The following TMEM192 variants were observed in gnomAD, a reference collection of about 807,000 sequenced individuals.
The protein encoded by TMEM192 is transmembrane protein 192.
TMEM192 carries 20 observed loss-of-function variants against 26.7 expected under a neutral mutation model. The ratio of observed to expected loss-of-function variants is 0.75; its 90% CI spans 0.53 to 1.09. The LOEUF (loss-of-function observed/expected upper bound fraction) is 1.09, where lower values mean the gene tolerates loss of function less well. TMEM192 is among the 50% of genes least tolerant of loss of function. The pLI is 0.00. For synonymous variants in TMEM192, 124 were observed against 121.0 expected, an observed-to-expected ratio of 1.02 and a Z score of -0.16; for missense variants, 304 against 322.6, an observed-to-expected ratio of 0.94 and a Z score of 0.44.
intron 3 of TMEM192, among the ~76,000 whole-genome samples, chr4:165,089,938 G>A (rs1282290055): frequency 6.6e-6 from 1 of 151,970 alleles, no homozygotes; most frequent in Admixed American, 6.6e-5. Flanking sequence ...TAGGCCAGGC[G>A]CGGTGGCTCA....
In TMEM192 at chr4:165,079,091, T is replaced by TCACCC. The variant is rs1370104128; in HGVS notation, c.*566_*567insGGGTG. 3.9e-5 allele frequency: 6 copies of TCACCC among 152,228 alleles called. No individual in the cohort carries two copies. The highest frequency in any genetic ancestry group is 7.3e-5 in the Non-Finnish European group (5 of 68,050). The allele number at this position is 152,228 out of a possible 1,614,324, so 9.4% of individuals were successfully genotyped here. A position where few individuals can be genotyped will look rare whatever the true frequency, so the allele number is the denominator to read the frequency against. On this transcript the variant is annotated 3_prime_UTR_variant, in exon 6 of 6. Coordinates refer to ENST00000306480, the MANE Select transcript of TMEM192 (RefSeq NM_001100389.2). ...AAACTGTAGGAATTTGCATAGTAGATCACCTGGTGAGACCTCAGTCCTATG... is the reference window on the plus strand; with the variant it reads ...AAACTGTAGGAATTTGCATAGTAGATCACCCCACCTGGTGAGACCTCAGTCCTATG...
At chr4:165,097,493 C>T (rs917967162) in intron 3 of TMEM192, among the ~76,000 whole-genome samples, 1 of 59,000 alleles carries the variant, frequency 1.7e-5, no homozygotes, top group East Asian at 5.3e-4. Context: ...GACTCCATCT[C>T]AAAAAAAAAA....
Position 165,112,739 on chromosome 4 carries a change from G to T in TMEM192, c.27+8C>A. The T allele has an allele frequency of 6.2e-7, 1 of 1,609,238 alleles. No individual in the cohort carries two copies. On this transcript the variant is annotated splice_region_variant and intron_variant, in intron 1 of 5. Coordinates refer to ENST00000306480, the MANE Select transcript of TMEM192 (RefSeq NM_001100389.2). ...GGGGCCAACCGCCCGCCGCCTCCGTGCACTCACGTCCTCCATCCTGCCCCC... is the reference window on the plus strand; with the variant it reads ...GGGGCCAACCGCCCGCCGCCTCCGTTCACTCACGTCCTCCATCCTGCCCCC...
intron 1 of TMEM192, 141 bp downstream of exon 1, chr4:165,112,606 C>G (rs1735321097): frequency 7.9e-7 from 1 of 1,272,652 alleles, no homozygotes; most frequent in African/African-American, 1.5e-5. Context: ...GCCCAGGCCT[C>G]CCCGGGCACA....
At position 165,108,887 on chromosome 4, in the gene TMEM192, C is replaced by T. The variant is rs1010734510; in HGVS notation, c.27+3860G>A. Among the ~76,000 whole-genome samples the T allele has an allele frequency of 3.3e-5, 5 of 152,000 alleles. No homozygotes were observed. The Middle Eastern group carries it at 0.014, about 414-fold the overall frequency. On this transcript the variant is annotated intron_variant, in intron 1 of 5. Coordinates refer to ENST00000306480, the MANE Select transcript of TMEM192 (RefSeq NM_001100389.2). The stretch of plus-strand genomic sequence containing the variant: ...CTCCTCAACTCAGAAGTCTGCTGGG[C>T]TCTGCCTGGCTTCCCCCTTCCCTGT...
chr4:165,109,572 C>G (rs1735246956), intron 1 of TMEM192, among the ~76,000 whole-genome samples: 1 of 152,152 alleles, frequency 6.6e-6, no homozygotes, highest in Non-Finnish European at 1.5e-5. Flanking sequence ...GCCATGTTGG[C>G]CAGGCTGGTC....
chr4:165,110,564 G>A (rs1298074079), intron 1 of TMEM192, among the ~76,000 whole-genome samples: 1 of 152,192 alleles, frequency 6.6e-6, no homozygotes, highest in Non-Finnish European at 1.5e-5. Context: ...AATTAGCCAG[G>A]TGTGGTGGTG....
rs1734279468 is a variant in TMEM192, at chr4:165,071,886, T to A, written c.*7772A>T. The A allele has an allele frequency of 6.6e-6, 1 of 152,524 alleles. No homozygotes were observed. The highest frequency in any genetic ancestry group is 1.5e-5 in the Non-Finnish European group (1 of 68,376). 9.4% of individuals were successfully genotyped at this position (152,524 alleles called of 1,614,324 possible). A position where few individuals can be genotyped will look rare whatever the true frequency, so the allele number is the denominator to read the frequency against. On this transcript the variant is annotated 3_prime_UTR_variant, in exon 6 of 6. Coordinates refer to ENST00000306480, the MANE Select transcript of TMEM192 (RefSeq NM_001100389.2). ...GAAGGATATTGTTGGCTGCTTTTTG[T>A]GTGTGTGCATGGGGCTGGGGGGTCA... is the stretch of plus-strand genomic sequence containing the variant.
At chr4:165,090,504 C>T (rs955792270) in intron 3 of TMEM192, among the ~76,000 whole-genome samples, 1 of 152,122 alleles carries the variant, frequency 6.6e-6, no homozygotes, top group African/African-American at 2.4e-5. Flanking sequence ...GGACCTCACG[C>T]AATGTACCTC....
chr4:165,087,971 G>A (rs1286705114), intron 4 of TMEM192, among the ~76,000 whole-genome samples: 1 of 152,204 alleles, frequency 6.6e-6, no homozygotes, highest in African/African-American at 2.4e-5. Flanking sequence ...GTGCAGGCAT[G>A]TGATCTTGGC....
At chr4:165,103,608 G>A (rs998504204) in intron 1 of TMEM192, among the ~76,000 whole-genome samples, 8 of 116,038 alleles carry the variant, frequency 6.9e-5, no homozygotes, top group Middle Eastern at 4.5e-3. Context: ...TCCACCTCCC[G>A]GGTTCCAGCA....
In TMEM192 at chr4:165,074,183, A is replaced by G. The variant is rs1434139016; in HGVS notation, c.*5475T>C. 6.6e-6 allele frequency: 1 copy of G among 152,082 alleles called. No homozygotes were observed. Among genetic ancestry groups the G allele is most frequent in the Non-Finnish European group, 1.5e-5 (1 of 68,026 alleles). 9.4% of individuals were successfully genotyped at this position (152,082 alleles called of 1,614,324 possible). A position where few individuals can be genotyped will look rare whatever the true frequency, so the allele number is the denominator to read the frequency against. On this transcript the variant is annotated 3_prime_UTR_variant, in exon 6 of 6. Transcript: ENST00000306480. Reference sequence around the variant, plus strand: ...GAGGAGACGTATGCATTCATCTCCAATTTAAGCAATGTGGAAGGAAGCTAT... The same window carrying G: ...GAGGAGACGTATGCATTCATCTCCAGTTTAAGCAATGTGGAAGGAAGCTAT...
chr4:165,080,496 A>T (rs1734495620), intron 5 of TMEM192, among the ~76,000 whole-genome samples: 1 of 152,160 alleles, frequency 6.6e-6, no homozygotes, highest in Non-Finnish European at 1.5e-5. Flanking sequence ...TTGACTAAAA[A>T]TTGCCTATTC....
chr4:165,092,274 A>G (rs2110763164), intron 3 of TMEM192, among the ~76,000 whole-genome samples: 1 of 152,156 alleles, frequency 6.6e-6, no homozygotes, highest in South Asian at 2.1e-4. Flanking sequence ...GGCATGTGCC[A>G]TCATGTCCAG....
intron 5 of TMEM192, among the ~76,000 whole-genome samples, chr4:165,085,070 T>C (rs921935206): frequency 6.7e-6 from 1 of 149,650 alleles, no homozygotes; most frequent in Admixed American, 6.7e-5. Context: ...AGGTCAGGAG[T>C]TCAAGACCAG....
chr4:165,112,697 A>G (rs779761750), intron 1 of TMEM192, 50 bp downstream of exon 1: 8 of 1,606,496 alleles, frequency 5.0e-6, no homozygotes, highest in Non-Finnish European at 6.8e-6. Context: ...GCCCCGGCAC[A>G]AGAAAAAGCG....
chr4:165,089,558 C>T (rs184591844), intron 3 of TMEM192, among the ~76,000 whole-genome samples: 37 of 152,176 alleles, frequency 2.4e-4, no homozygotes, highest in East Asian at 7.8e-4. Flanking sequence ...CTCCTGACCT[C>T]GTGATCGGCC....
chr4:165,085,656 C>T lies in TMEM192; in HGVS notation c.607G>A (p.Glu203Lys). Residue 203 changes from glutamate (E) to lysine (K), a missense_variant, in exon 5 of 6, where the codon GAG becomes AAG. Glu to Lys is a moderately conservative substitution (Grantham distance 56). Coordinates refer to ENST00000306480, the MANE Select transcript of TMEM192 (RefSeq NM_001100389.2). The part of the protein sequence containing the change: ...KIRRFNKAKP[E>K]PDILEEEKIY... Reference sequence around the variant, plus strand: ...TTTTCTTCTTCAAGTATATCAGGCTCTGGTTTAGCTTTATTAAATCTCCGG... The same window carrying T: ...TTTTCTTCTTCAAGTATATCAGGCTTTGGTTTAGCTTTATTAAATCTCCGG... 1 of 1,610,706 alleles carries T rather than the reference C, an allele frequency of 6.2e-7. No individual in the cohort carries two copies. Among genetic ancestry groups the T allele is most frequent in the Non-Finnish European group, 8.5e-7 (1 of 1,178,848 alleles).
At chr4:165,111,515 T>C (rs1387956758) in intron 1 of TMEM192, 1 of 149,910 alleles carries the variant, frequency 6.7e-6, no homozygotes, top group Non-Finnish European at 1.5e-5. Flanking sequence ...CTGCATGTGT[T>C]TTTCTAAGAC....
Sources: allele counts gnomAD v4.1 joint callset (sites outside exome capture counted in the v4.1 genomes callset), GRCh38; gene constraint gnomAD v4.1.1; transcripts MANE v1.5; gene names NCBI Gene and HGNC (gene_info 2026-07-23, HGNC 2026-07-21).